Variants in FOXK2 observed in about 807,000 individuals in gnomAD.
The protein encoded by FOXK2 is forkhead box K2.
Under a neutral mutation model 53.3 loss-of-function variants are expected in FOXK2, and 24 were observed. That is an observed-to-expected ratio of 0.45 (90% confidence interval 0.33 to 0.63). The LOEUF (loss-of-function observed/expected upper bound fraction) is 0.63, where lower values mean the gene tolerates loss of function less well. Among genes scored for constraint, FOXK2 ranks in the 30% least tolerant of loss-of-function variants. The pLI, the probability that FOXK2 is intolerant of heterozygous loss-of-function variation, is 0.03. For synonymous variants in FOXK2, 505 were observed against 407.1 expected, an observed-to-expected ratio of 1.24 and a Z score of -2.89; for missense variants, 952 against 910.5, an observed-to-expected ratio of 1.05 and a Z score of -0.59.
intron 3 of FOXK2, among the ~76,000 whole-genome samples, chr17:82,568,448 G>C (rs1392485319): frequency 2.0e-5 from 3 of 152,238 alleles, no homozygotes; most frequent in Non-Finnish European, 4.4e-5. Flanking sequence ...CAGGTGCTGA[G>C]GGCTGGGCAG....
intron 8 of FOXK2, among the ~76,000 whole-genome samples, chr17:82,594,468 C>T (rs547825177): frequency 2.7e-5 from 4 of 147,904 alleles, no homozygotes; most frequent in South Asian, 2.1e-4. Flanking sequence ...ACTGCACTCC[C>T]GCCTGGGCGA....
chr17:82,534,171 C>T (rs867759340), intron 1 of FOXK2, among the ~76,000 whole-genome samples: 17 of 151,816 alleles, frequency 1.1e-4, no homozygotes, highest in African/African-American at 3.1e-4. Flanking sequence ...ACTTGACCCT[C>T]GGAGGTTGAG....
intron 1 of FOXK2, among the ~76,000 whole-genome samples, chr17:82,531,981 C>T (rs1164772849): frequency 6.6e-6 from 1 of 152,024 alleles, no homozygotes; most frequent in Non-Finnish European, 1.5e-5. Context: ...GCTGGGATTA[C>T]AGGCTCACGC....
intron 4 of FOXK2, among the ~76,000 whole-genome samples, chr17:82,577,705 A>G (rs1345738725): frequency 6.6e-6 from 1 of 152,190 alleles, no homozygotes; most frequent in Non-Finnish European, 1.5e-5. Flanking sequence ...CAGCCTCCAA[A>G]GGGACTAGAG....
intron 1 of FOXK2, among the ~76,000 whole-genome samples, chr17:82,532,176 C>T (rs754466860): frequency 4.0e-5 from 6 of 150,322 alleles, no homozygotes; most frequent in Non-Finnish European, 7.4e-5. Flanking sequence ...TGGAGTTTCG[C>T]TCTTGTTGCC....
At chr17:82,558,069 A>G (rs991967643) in intron 1 of FOXK2, among the ~76,000 whole-genome samples, 1 of 152,172 alleles carries the variant, frequency 6.6e-6, no homozygotes, top group Non-Finnish European at 1.5e-5. Flanking sequence ...ACAGTGGCCC[A>G]TGCCTGTGCT....
chr17:82,555,376 C>A (rs930763430), intron 1 of FOXK2, among the ~76,000 whole-genome samples: 2 of 152,120 alleles, frequency 1.3e-5, no homozygotes, highest in African/African-American at 2.4e-5. Context: ...TAATATTTTG[C>A]GGCTCTTTTT....
At position 82,601,398 on chromosome 17, in the gene FOXK2, G is replaced by A. The variant is rs1387303256; in HGVS notation, c.1882G>A (p.Glu628Lys). ...RHNGDQPEQPELKRIKTEDGE... is the reference protein window; with the variant it reads ...RHNGDQPEQPKLKRIKTEDGE... ...CAACGGTGACCAGCCGGAGCAGCCGGAGCTGAAGCGGATCAAGACAGAAGA... is the reference window on the plus strand; with the variant it reads ...CAACGGTGACCAGCCGGAGCAGCCGAAGCTGAAGCGGATCAAGACAGAAGA... The change falls in exon 9 of 9, where the codon GAG becomes AAG. Residue 628 changes from glutamate to lysine, a missense_variant. Coordinates refer to ENST00000335255, the MANE Select transcript of FOXK2 (RefSeq NM_004514.4). The A allele has an allele frequency of 6.2e-7, 1 of 1,613,290 alleles. No individual in the cohort carries two copies. The highest frequency in any genetic ancestry group is 1.7e-5 in the Admixed American group (1 of 60,030).
intron 1 of FOXK2, among the ~76,000 whole-genome samples, chr17:82,521,308 G>T (rs7501450): frequency 0.17 from 25,459 of 151,930 alleles, 2,714 homozygotes; most frequent in East Asian, 0.39. Context: ...GAGTAGCTGG[G>T]ATTACAGGCG....
chr17:82,594,771 C>T (rs955492865), intron 8 of FOXK2, among the ~76,000 whole-genome samples: 6 of 152,270 alleles, frequency 3.9e-5, no homozygotes, highest in African/African-American at 4.8e-5. Flanking sequence ...AACAGCTGGG[C>T]GCCGTGGCTC....
At chr17:82,590,276 G>A (rs1404015220) in intron 8 of FOXK2, among the ~76,000 whole-genome samples, 1 of 152,154 alleles carries the variant, frequency 6.6e-6, no homozygotes, top group East Asian at 1.9e-4. Context: ...GAACACCTAG[G>A]ATGAGAACCA....
At chr17:82,595,969 A>C in intron 8 of FOXK2, 1 of 1,201,584 alleles carries the variant, frequency 8.3e-7, no homozygotes, top group Non-Finnish European at 1.1e-6. Context: ...TACAGCGTGG[A>C]TGCTGTTCCG....
chr17:82,522,394 A>G (rs560504495), intron 1 of FOXK2, among the ~76,000 whole-genome samples: 4 of 146,420 alleles, frequency 2.7e-5, no homozygotes, highest in East Asian at 4.0e-4. Context: ...CCTGAGACGG[A>G]GCCTTGCTCT....
intron 1 of FOXK2, among the ~76,000 whole-genome samples, chr17:82,534,246 G>A (rs543465867): frequency 2.0e-5 from 3 of 150,724 alleles, no homozygotes; most frequent in African/African-American, 4.9e-5. Flanking sequence ...ACCTCGACTC[G>A]AAAAAAAAAG....
chr17:82,523,882 A>T (rs2044391525), intron 1 of FOXK2, among the ~76,000 whole-genome samples: 1 of 152,274 alleles, frequency 6.6e-6, no homozygotes, highest in South Asian at 2.1e-4. Context: ...AGCACACGTA[A>T]CTTAGAGTAA....
intron 4 of FOXK2, chr17:82,572,077 G>A (rs2044924926): frequency 2.2e-6 from 1 of 460,306 alleles, no homozygotes; most frequent in Admixed American, 4.2e-5. Context: ...CGTGGTTCTG[G>A]AGGAGCGTCT....
intron 1 of FOXK2, among the ~76,000 whole-genome samples, chr17:82,525,719 A>G (rs907057705): frequency 6.6e-6 from 1 of 152,238 alleles, no homozygotes; most frequent in African/African-American, 2.4e-5. Flanking sequence ...AATATCTAAT[A>G]GTCAAATATA....
intron 7 of FOXK2, 111 bp from the exon 8 acceptor site, chr17:82,586,952 G>A (rs1242702036): frequency 1.0e-6 from 1 of 982,018 alleles, no homozygotes; most frequent in Non-Finnish European, 1.6e-6. Context: ...GTTTGTTTTA[G>A]AGACATTTTC....
intron 1 of FOXK2, among the ~76,000 whole-genome samples, chr17:82,530,368 T>TA (rs1171878903): frequency 7.0e-6 from 1 of 142,536 alleles, no homozygotes; most frequent in African/African-American, 2.6e-5. Context: ...CGCATGCCTC[T>TA]AATACCAGCT....
Sources: allele counts gnomAD v4.1 joint callset (sites outside exome capture counted in the v4.1 genomes callset), GRCh38; gene constraint gnomAD v4.1.1; transcripts MANE v1.5; gene names NCBI Gene and HGNC (gene_info 2026-07-23, HGNC 2026-07-21).